METTL16: variants seen among roughly 807,000 people sequenced by gnomAD.
The protein encoded by METTL16 is RNA N(6)-adenosine-methyltransferase METTL16.
METTL16 carries 19 observed loss-of-function variants against 57.9 expected under a neutral mutation model. The ratio of observed to expected loss-of-function variants is 0.33; its 90% CI spans 0.23 to 0.48. The LOEUF is 0.48. Ranked by LOEUF, METTL16 falls within the 20% of genes least tolerant of loss-of-function variation. The pLI, the probability that METTL16 is intolerant of heterozygous loss-of-function variation, is 0.99. For synonymous variants in METTL16, 246 were observed against 255.6 expected (o/e 0.96, Z 0.36); for missense variants, 434 against 691.5 (o/e 0.63, Z 4.18).
chr17:2,480,185 CAAAAAAA>C (rs953770502), intron 2 of METTL16, among the ~76,000 whole-genome samples: 6 of 61,898 alleles, frequency 9.7e-5, no homozygotes, highest in Non-Finnish European at 1.8e-4. Flanking sequence ...GACTCTGTCT[CAAAAAAA>C]AAAAAAAAAA....
At chr17:2,434,883 G>T (rs937201224) in intron 8 of METTL16, among the ~76,000 whole-genome samples, 5 of 152,314 alleles carry the variant, frequency 3.3e-5, no homozygotes, top group African/African-American at 1.2e-4. Context: ...CCTGAGCAGT[G>T]CTCACACCAA....
intron 6 of METTL16, among the ~76,000 whole-genome samples, chr17:2,456,169 G>C (rs1220695563): frequency 6.6e-6 from 1 of 151,990 alleles, no homozygotes; most frequent in African/African-American, 2.4e-5. Context: ...TGCACTACCT[G>C]GAGAACAAGC....
chr17:2,426,728 C>CAAA (rs778818177), intron 8 of METTL16, among the ~76,000 whole-genome samples: 6 of 35,114 alleles, frequency 1.7e-4, no homozygotes, highest in Admixed American at 3.2e-4. Flanking sequence ...GACTCCGTCT[C>CAAA]AAAAAAAAAA....
chr17:2,511,359 G>C (rs1045685143), intron 1 of METTL16, among the ~76,000 whole-genome samples: 1 of 151,760 alleles, frequency 6.6e-6, no homozygotes, highest in African/African-American at 2.4e-5. Flanking sequence ...AATTCTTTCT[G>C]CACAGATCCC....
intron 7 of METTL16, among the ~76,000 whole-genome samples, chr17:2,441,018 AAAAG>A: frequency 1.3e-5 from 2 of 151,578 alleles, no homozygotes; most frequent in African/African-American, 4.8e-5. Flanking sequence ...AGAAGAAAAG[AAAAG>A]AAAGAAAAGA....
At chr17:2,436,215 CAGAA>C (rs1399828575) in intron 8 of METTL16, among the ~76,000 whole-genome samples, 1 of 152,084 alleles carries the variant, frequency 6.6e-6, no homozygotes, top group Non-Finnish European at 1.5e-5. Flanking sequence ...TAGAAAATGA[CAGAA>C]AGGATAATTC....
chr17:2,484,814 ATGT>A (rs962597002), intron 2 of METTL16, among the ~76,000 whole-genome samples: 3 of 152,056 alleles, frequency 2.0e-5, no homozygotes, highest in African/African-American at 7.2e-5. Flanking sequence ...TAAGTAGTTA[ATGT>A]TGTGTGGATT....
chr17:2,506,226 A>G (rs951248110), intron 1 of METTL16, among the ~76,000 whole-genome samples: 10 of 148,034 alleles, frequency 6.8e-5, no homozygotes, highest in African/African-American at 2.5e-4. Flanking sequence ...CTCCCCAGTT[A>G]AGACAAATCC....
At chr17:2,429,591 T>C (rs1366165556) in intron 8 of METTL16, among the ~76,000 whole-genome samples, 4 of 151,552 alleles carry the variant, frequency 2.6e-5, no homozygotes, top group East Asian at 1.9e-4. Flanking sequence ...AGCTAATAAA[T>C]GAAGGGACGA....
chr17:2,435,695 CAG>C (rs1491333776), intron 8 of METTL16, among the ~76,000 whole-genome samples: 2 of 147,542 alleles, frequency 1.4e-5, no homozygotes, highest in Non-Finnish European at 3.0e-5. Context: ...AAGACTCTGG[CAG>C]GGGGGAGTCT....
At position 2,421,887 on chromosome 17, in the gene METTL16, C is replaced by T. The variant is rs145297719; in HGVS notation, c.889-983G>A. Among the ~76,000 whole-genome samples the T allele has an allele frequency of 3.9e-5, 6 of 152,208 alleles. No individual in the cohort carries two copies. The East Asian group carries it at 5.8e-4, about 15-fold the overall frequency. The stretch of plus-strand genomic sequence containing the variant: ...GCCTTTTAGCTGGGGAGGGTGACAC[C>T]GGCGCTGATGAGAAGACTGGATTTC... On this transcript the variant is annotated intron_variant, in intron 8 of 9. Coordinates refer to ENST00000263092, the MANE Select transcript of METTL16 (RefSeq NM_024086.4).
intron 2 of METTL16, among the ~76,000 whole-genome samples, chr17:2,489,565 G>A (rs535866570): frequency 1.1e-4 from 16 of 151,422 alleles, no homozygotes; most frequent in South Asian, 4.2e-4. Flanking sequence ...GTGAAATCCC[G>A]TCTCTACTAA....
chr17:2,486,237 TGAAAG>T (rs1046482011), intron 2 of METTL16, among the ~76,000 whole-genome samples: 5 of 18,026 alleles, frequency 2.8e-4, no homozygotes, highest in Admixed American at 1.4e-3. Flanking sequence ...TTTCTGAAAG[TGAAAG>T]AAAAACTATT....
chr17:2,488,195 C>T (rs1278079919), intron 2 of METTL16, among the ~76,000 whole-genome samples: 3 of 152,114 alleles, frequency 2.0e-5, no homozygotes, highest in Non-Finnish European at 4.4e-5. Context: ...TAAAGGTCCA[C>T]TGACAGATTA....
chr17:2,499,112 C>A (rs1170065316), intron 2 of METTL16, among the ~76,000 whole-genome samples: 1 of 151,552 alleles, frequency 6.6e-6, no homozygotes, highest in African/African-American at 2.4e-5. Context: ...CTGCACATCC[C>A]CCGGATTCTC....
chr17:2,502,814 T>C (rs1218606829), intron 1 of METTL16, among the ~76,000 whole-genome samples: 3 of 151,982 alleles, frequency 2.0e-5, no homozygotes, highest in African/African-American at 7.3e-5. Flanking sequence ...AATAAGCACA[T>C]GAAGAGATGG....
At chr17:2,485,863 G>A (rs1357015437) in intron 2 of METTL16, among the ~76,000 whole-genome samples, 1 of 152,068 alleles carries the variant, frequency 6.6e-6, no homozygotes, top group South Asian at 2.1e-4. Context: ...ATAAAAGACA[G>A]GTAAAAGATA....
chr17:2,503,661 TCAA>T (rs2067507331), intron 1 of METTL16, among the ~76,000 whole-genome samples: 1 of 151,602 alleles, frequency 6.6e-6, no homozygotes. Context: ...TAAATATGGA[TCAA>T]CAAAAGATGG....
At chr17:2,462,066 C>T (rs904645332) in intron 6 of METTL16, among the ~76,000 whole-genome samples, 11 of 152,154 alleles carry the variant, frequency 7.2e-5, no homozygotes, top group African/African-American at 2.7e-4. Flanking sequence ...GCATTATTCA[C>T]AATAGCCAAA....
Sources: allele counts gnomAD v4.1 joint callset (sites outside exome capture counted in the v4.1 genomes callset), GRCh38; gene constraint gnomAD v4.1.1; transcripts MANE v1.5; gene names NCBI Gene and HGNC (gene_info 2026-07-23, HGNC 2026-07-21).